The following MCCC2 variants were observed in gnomAD, a reference collection of about 807,000 sequenced individuals.
The protein encoded by MCCC2 is methylcrotonyl-CoA carboxylase subunit 2.
A neutral mutation model predicts 77.2 loss-of-function variants in MCCC2; 52 were observed. That is an observed-to-expected ratio of 0.67 (90% CI 0.54 to 0.85). MCCC2 has a LOEUF of 0.85. MCCC2 is among the 40% of genes least tolerant of loss of function. The pLI is 0.00. For synonymous variants in MCCC2, 253 were observed against 248.4 expected, an observed-to-expected ratio of 1.02 and a Z score of -0.18; for missense variants, 682 against 703.2, an observed-to-expected ratio of 0.97 and a Z score of 0.34.
rs748891169 is a variant in MCCC2 at position 71,652,690 on chromosome 5, G to A, written c.1510G>A (p.Ala504Thr). 1.2e-6 allele frequency: 2 copies of A among 1,614,124 alleles called. No homozygotes were observed. Among genetic ancestry groups the A allele is most frequent in the East Asian group, 2.2e-5 (1 of 44,882 alleles). Residue 504 changes from alanine (A) to threonine (T), a missense_variant, in exon 16 of 17, where the codon GCT becomes ACT. Ala to Thr is a moderately conservative substitution (Grantham distance 58). Transcript: ENST00000340941. ...GKQFSSADEA[A>T]LKEPIIKKFE... ...TTAGTTCTCCAGTGCTGATGAAGCG[G>A]CTTTAAAAGAGCCCATCATTAAGAA... is the stretch of plus-strand genomic sequence containing the variant.
intron 6 of MCCC2, among the ~76,000 whole-genome samples, chr5:71,609,522 C>T (rs1333510318): frequency 1.3e-5 from 2 of 149,914 alleles, no homozygotes; most frequent in Non-Finnish European, 3.0e-5. Flanking sequence ...AATGTCCTCC[C>T]GTAGCTCAGA....
rs115078899 is a variant in MCCC2, at chr5:71,599,652, G to A, written c.282-7G>A. On this transcript the variant is annotated splice_polypyrimidine_tract_variant and splice_region_variant and intron_variant, in intron 3 of 16. Transcript: ENST00000340941. ...TTAATTCAAACAACATCCTTTCTTC[G>A]CTTTAGGTCTCCATTTCTGGAATTA... The A allele has an allele frequency of 7.5e-4, 1,211 of 1,607,362 alleles. 5 individuals are homozygous for A. In the African/African-American group the frequency reaches 0.012, roughly 16 times the overall value.
At chr5:71,614,179 T>A (rs1746073348) in intron 6 of MCCC2, among the ~76,000 whole-genome samples, 1 of 152,082 alleles carries the variant, frequency 6.6e-6, no homozygotes, top group African/African-American at 2.4e-5. Flanking sequence ...TAAGTTTCCA[T>A]AGTATCTGTT....
chr5:71,600,613 T>C (rs1490570793), intron 4 of MCCC2, among the ~76,000 whole-genome samples: 1 of 152,166 alleles, frequency 6.6e-6, no homozygotes, highest in African/African-American at 2.4e-5. Flanking sequence ...AAATTGACCT[T>C]TCTTACATAA....
chr5:71,601,228 C>T (rs6873853), intron 4 of MCCC2, among the ~76,000 whole-genome samples: 2,403 of 152,254 alleles, frequency 0.016, 56 homozygotes, highest in African/African-American at 0.055. Context: ...GGCTATGTCC[C>T]TTGTCCATGG....
chr5:71,638,037 A>C (rs1157069473), intron 10 of MCCC2, among the ~76,000 whole-genome samples: 1 of 152,204 alleles, frequency 6.6e-6, no homozygotes, highest in East Asian at 1.9e-4. Flanking sequence ...AAAATGAGTC[A>C]GTCCTCTCAA....
chr5:71,642,281 G>C (rs1216826971), intron 11 of MCCC2, among the ~76,000 whole-genome samples: 1 of 152,150 alleles, frequency 6.6e-6, no homozygotes, highest in African/African-American at 2.4e-5. Context: ...AGAAGGATGG[G>C]AGGAATGAGA....
At position 71,641,075 on chromosome 5, in the gene MCCC2, G is replaced by T. The variant is rs1747109280; in HGVS notation, c.1072G>T (p.Gly358Ter). Residue 358 changes from glycine to a stop codon, truncating the protein, a stop_gained and splice_region_variant, in exon 11 of 17, where the codon GGA (glycine) becomes TGA (stop). Transcript: ENST00000340941. LOFTEE classifies it high-confidence loss of function. ...CTTTTATGGAGACACATTAGTTACAGGTATAAAGGTGAAGAATTGAAAATA... is the reference window on the plus strand; with the variant it reads ...CTTTTATGGAGACACATTAGTTACATGTATAAAGGTGAAGAATTGAAAATA... ...KAFYGDTLVT[G>*]FARIFGYPVG... The T allele has an allele frequency of 6.2e-7, 1 of 1,612,466 alleles. No individual in the cohort carries two copies. The highest frequency in any genetic ancestry group is 8.5e-7 in the Non-Finnish European group (1 of 1,178,632).
intron 6 of MCCC2, among the ~76,000 whole-genome samples, chr5:71,608,901 G>T (rs1176760859): frequency 2.0e-5 from 3 of 152,170 alleles, no homozygotes; most frequent in Non-Finnish European, 4.4e-5. Flanking sequence ...TTGGCCCCTA[G>T]TCTCTTCTGG....
intron 7 of MCCC2, among the ~76,000 whole-genome samples, chr5:71,629,210 A>AG (rs913767870): frequency 2.0e-5 from 3 of 152,000 alleles, no homozygotes; most frequent in African/African-American, 7.2e-5. Context: ...TCTCAAAAAA[A>AG]AAAAAGAAAG....
At chr5:71,612,745 G>A (rs1746007197) in intron 6 of MCCC2, among the ~76,000 whole-genome samples, 1 of 152,176 alleles carries the variant, frequency 6.6e-6, no homozygotes, top group African/African-American at 2.4e-5. Context: ...TAAAGCAACA[G>A]CAATTTATGT....
At chr5:71,615,324 C>T (rs1253225845) in intron 6 of MCCC2, among the ~76,000 whole-genome samples, 1 of 152,200 alleles carries the variant, frequency 6.6e-6, no homozygotes, top group Non-Finnish European at 1.5e-5. Flanking sequence ...TCCTTCAAAC[C>T]TCCATGCCCT....
chr5:71,629,023 T>G (rs558208329), intron 7 of MCCC2, among the ~76,000 whole-genome samples: 6 of 151,952 alleles, frequency 3.9e-5, no homozygotes, highest in Non-Finnish European at 7.4e-5. Flanking sequence ...CTGGCCAACA[T>G]AGTGAAACCC....
intron 6 of MCCC2, among the ~76,000 whole-genome samples, chr5:71,624,424 G>A (rs1746467127): frequency 6.6e-6 from 1 of 151,720 alleles, no homozygotes; most frequent in Non-Finnish European, 1.5e-5. Flanking sequence ...TGTTGCCCAG[G>A]TGGAGTGCAA....
At chr5:71,623,253 A>T (rs796848545) in intron 6 of MCCC2, among the ~76,000 whole-genome samples, 2 of 152,320 alleles carry the variant, frequency 1.3e-5, no homozygotes, top group African/African-American at 4.8e-5. Flanking sequence ...AACAAGACAC[A>T]TTGATTATCT....
Position 71,592,948 on chromosome 5 carries a change from C to T in MCCC2, c.152C>T (p.Ala51Val). Residue 51 changes from alanine (A) to valine (V), a missense_variant, in exon 2 of 17, where the codon GCA becomes GTA. Physicochemically the swap from Ala to Val is moderately conservative, Grantham distance 64. Coordinates refer to ENST00000340941, the MANE Select transcript of MCCC2 (RefSeq NM_022132.5). ...TAGGAGAACTACAAGCAGATGAAAG[C>T]ACTAGTAAATCAGCTCCATGAACGA... ...LYQENYKQMK[A>V]LVNQLHERVE... 3 of 1,612,992 alleles carry T rather than the reference C, an allele frequency of 1.9e-6. No individual in the cohort carries two copies. Among genetic ancestry groups the T allele is most frequent in the Non-Finnish European group, 2.5e-6 (3 of 1,179,442 alleles).
chr5:71,615,855 A>G (rs929482850), intron 6 of MCCC2, among the ~76,000 whole-genome samples: 1 of 152,022 alleles, frequency 6.6e-6, no homozygotes, highest in Non-Finnish European at 1.5e-5. Context: ...TTCCTGGGTG[A>G]TAGGAGCATC....
Position 71,650,641 on chromosome 5 carries a change from T to TTTTA in MCCC2, c.1488+478_1488+481dup, listed in dbSNP as rs572499679. Among the ~76,000 whole-genome samples, 256 of 151,662 alleles carry TTTTA rather than the reference T, an allele frequency of 1.7e-3. 2 individuals carry two copies. Among genetic ancestry groups the TTTTA allele is most frequent in the African/African-American group, 5.5e-3 (226 of 41,346 alleles). On this transcript the variant is annotated intron_variant, in intron 15 of 16. Coordinates refer to ENST00000340941, the MANE Select transcript of MCCC2 (RefSeq NM_022132.5). Reference sequence around the variant, plus strand: ...CACCACGCCAGGCTAATTTTTGTATTTTTATTTATTTATTTATTTATTTTT... The same window carrying TTTTA: ...CACCACGCCAGGCTAATTTTTGTATTTTTATTTATTTATTTATTTATTTATTTTT...
rs980274465 is a variant in MCCC2 at position 71,593,089 on chromosome 5, A to T, written c.196+97A>T. 395 of 799,762 alleles carry T rather than the reference A, an allele frequency of 4.9e-4. No homozygotes were observed. In the East Asian group the frequency reaches 7.8e-3, roughly 16 times the overall value. The allele number at this position is 799,762 out of a possible 1,614,324, so 49.5% of individuals were successfully genotyped here. A position where few individuals can be genotyped will look rare whatever the true frequency, so the allele number is the denominator to read the frequency against. On this transcript the variant is annotated intron_variant, in intron 2 of 16. Transcript: ENST00000340941. ...AAAATACTGGAATTAAGCTTTTGAT[A>T]TTTTTTTTTTTTTTTTGAGATGGAG...
Sources: gnomAD v4.1 joint callset for allele counts (sites outside exome capture counted in the v4.1 genomes callset) on GRCh38, gnomAD v4.1.1 for gene constraint, MANE v1.5 for transcripts, NCBI Gene and HGNC (gene_info 2026-07-23, HGNC 2026-07-21) for gene names.